The following CTNNA3 variants were observed in gnomAD, a reference collection of about 807,000 sequenced individuals.
CTNNA3 encodes catenin alpha-3.
Under a neutral mutation model 95.7 loss-of-function variants are expected in CTNNA3, and 76 were observed. That is an observed-to-expected ratio of 0.79 (90% confidence interval 0.66 to 0.96). The LOEUF (loss-of-function observed/expected upper bound fraction) is 0.96, where lower values mean the gene tolerates loss of function less well. CTNNA3 is among the 40% of genes least tolerant of loss of function. The probability of loss-of-function intolerance (pLI) is 0.00; values close to 1 mark genes in which losing one functional copy is unlikely to be tolerated. For synonymous variants in CTNNA3, 431 were observed against 374.4 expected, an observed-to-expected ratio of 1.15 and a Z score of -1.74; for missense variants, 1,191 against 1,089.8, an observed-to-expected ratio of 1.09 and a Z score of -1.31.
intron 5 of CTNNA3, among the ~76,000 whole-genome samples, chr10:67,307,612 A>G (rs1840610288): frequency 6.6e-6 from 1 of 152,186 alleles, no homozygotes; most frequent in African/African-American, 2.4e-5. Context: ...TGCTTATTTG[A>G]AGACTATCCT....
chr10:66,823,289 T>G (rs1246162463), intron 7 of CTNNA3, among the ~76,000 whole-genome samples: 1 of 152,222 alleles, frequency 6.6e-6, no homozygotes, highest in African/African-American at 2.4e-5. Flanking sequence ...CTTTAAAATT[T>G]TATTTGTTCA....
intron 3 of CTNNA3, among the ~76,000 whole-genome samples, chr10:67,563,540 T>A (rs1057335492): frequency 5.9e-5 from 9 of 152,134 alleles, no homozygotes; most frequent in Non-Finnish European, 1.2e-4. Context: ...ATAAGAGCCC[T>A]AGAAGAAAAC....
At position 66,962,171 on chromosome 10, in the gene CTNNA3, TC is replaced by T. The variant is rs528077444; in HGVS notation, c.1048-186648del. 7.7e-4 allele frequency among the ~76,000 whole-genome samples: 117 copies of T among 152,140 alleles called. 1 individual carries two copies. The highest frequency in any genetic ancestry group is 1.0e-3 in the Non-Finnish European group (68 of 68,004). ...TCCTGTTCAAAACCCTCTAGTGACA[TC>T]CCCCATTTCCTCATCATGAAAGGCA... On this transcript the variant is annotated intron_variant, in intron 7 of 17. Coordinates refer to ENST00000433211, the MANE Select transcript of CTNNA3 (RefSeq NM_013266.4).
At chr10:67,274,787 C>A (rs1839127172) in intron 5 of CTNNA3, among the ~76,000 whole-genome samples, 1 of 152,110 alleles carries the variant, frequency 6.6e-6, no homozygotes, top group African/African-American at 2.4e-5. Context: ...ATGATCATGT[C>A]ATGGCACTCC....
At chr10:66,340,264 AG>A (rs2092440072) in intron 12 of CTNNA3, among the ~76,000 whole-genome samples, 1 of 151,840 alleles carries the variant, frequency 6.6e-6, no homozygotes, top group South Asian at 2.1e-4. Context: ...CAGTATAAAA[AG>A]TGTCAACTCT....
At position 67,640,700 on chromosome 10, in the gene CTNNA3, A is replaced by T. The variant is rs577346900; in HGVS notation, c.99+6715T>A. Among the ~76,000 whole-genome samples, 4,972 of 151,980 alleles carry T rather than the reference A, an allele frequency of 0.033. 569 individuals carry two copies. In the East Asian group the frequency reaches 0.42, roughly 13 times the overall value. The stretch of plus-strand genomic sequence containing the variant: ...GAACAGAGCCCTCAGAAATAATGCC[A>T]CACAAGTACAACCATCTGATCTTTG... On this transcript the variant is annotated intron_variant, in intron 2 of 17. Coordinates refer to ENST00000433211, the MANE Select transcript of CTNNA3 (RefSeq NM_013266.4).
At chr10:65,945,457 G>A (rs2077502006) in intron 17 of CTNNA3, among the ~76,000 whole-genome samples, 1 of 152,164 alleles carries the variant, frequency 6.6e-6, no homozygotes, top group Admixed American at 6.6e-5. Flanking sequence ...AAAATGCTGT[G>A]CTTTAAGTCC....
intron 7 of CTNNA3, among the ~76,000 whole-genome samples, chr10:66,902,856 T>C (rs745838160): frequency 7.2e-5 from 11 of 151,994 alleles, no homozygotes; most frequent in Non-Finnish European, 1.3e-4. Flanking sequence ...AATAGACCAA[T>C]AAGAGGTTCT....
intron 1 of CTNNA3, among the ~76,000 whole-genome samples, chr10:67,692,098 C>G (rs1171769998): frequency 2.0e-5 from 3 of 149,240 alleles, no homozygotes; most frequent in Non-Finnish European, 4.5e-5. Context: ...CGGCCAGCTG[C>G]CCCCTCCGGG....
At chr10:67,632,648 C>T (rs1459821528) in intron 2 of CTNNA3, among the ~76,000 whole-genome samples, 1 of 152,134 alleles carries the variant, frequency 6.6e-6, no homozygotes, top group Non-Finnish European at 1.5e-5. Context: ...CCTGGAAAAC[C>T]ACGCTTTTCC....
At chr10:66,030,014 C>T (rs576660860) in intron 15 of CTNNA3, among the ~76,000 whole-genome samples, 2 of 151,938 alleles carry the variant, frequency 1.3e-5, no homozygotes, top group South Asian at 2.1e-4. Flanking sequence ...TACAGCTATA[C>T]AAGGAGGTGA....
chr10:66,928,463 T>C, intron 7 of CTNNA3: 2 of 1,578,954 alleles, frequency 1.3e-6, no homozygotes, highest in Admixed American at 1.9e-5. Flanking sequence ...GTATGAACCA[T>C]TGTGATAAAA....
chr10:66,475,962 G>A (rs1030149776), intron 11 of CTNNA3, among the ~76,000 whole-genome samples: 5 of 151,940 alleles, frequency 3.3e-5, no homozygotes, highest in Non-Finnish European at 7.4e-5. Flanking sequence ...TGGAATCAAC[G>A]CAAATGCCAT....
At chr10:66,283,522 G>A (rs1194799863) in intron 12 of CTNNA3, among the ~76,000 whole-genome samples, 1 of 151,676 alleles carries the variant, frequency 6.6e-6, no homozygotes, top group African/African-American at 2.4e-5. Context: ...AAAGATTTAA[G>A]GAATCTTACA....
intron 7 of CTNNA3, among the ~76,000 whole-genome samples, chr10:66,838,142 C>A (rs1417309373): frequency 6.6e-6 from 1 of 152,154 alleles, no homozygotes; most frequent in Non-Finnish European, 1.5e-5. Flanking sequence ...AAGTTGCAGT[C>A]TTTTGTGATG....
At chr10:66,798,018 T>C (rs1159152939) in intron 7 of CTNNA3, among the ~76,000 whole-genome samples, 3 of 151,876 alleles carry the variant, frequency 2.0e-5, no homozygotes, top group Non-Finnish European at 2.9e-5. Flanking sequence ...GGAGACTATT[T>C]TCATTATACA....
At chr10:67,108,235 ACAGT>A (rs1273617184) in intron 7 of CTNNA3, among the ~76,000 whole-genome samples, 1 of 152,210 alleles carries the variant, frequency 6.6e-6, no homozygotes, top group East Asian at 1.9e-4. Flanking sequence ...TTTAAAAAGT[ACAGT>A]CAAATATATA....
At chr10:65,921,186 C>A (rs931840890) in intron 17 of CTNNA3, among the ~76,000 whole-genome samples, 1 of 152,184 alleles carries the variant, frequency 6.6e-6, no homozygotes, top group Non-Finnish European at 1.5e-5. Flanking sequence ...CTCTTAAAAA[C>A]ATATCAATAG....
intron 11 of CTNNA3, among the ~76,000 whole-genome samples, chr10:66,456,701 AAACAAC>A (rs1295626896): frequency 6.6e-6 from 1 of 151,740 alleles, no homozygotes; most frequent in East Asian, 1.9e-4. Flanking sequence ...AACACAAACA[AAACAAC>A]AACAACAACA....
Sources: allele counts gnomAD v4.1 joint callset (sites outside exome capture counted in the v4.1 genomes callset), GRCh38; gene constraint gnomAD v4.1.1; transcripts MANE v1.5; gene names NCBI Gene and HGNC (gene_info 2026-07-23, HGNC 2026-07-21).